The following C12orf42 variants were observed in gnomAD, a reference collection of about 807,000 sequenced individuals.
C12orf42 encodes the protein uncharacterized protein C12orf42.
In C12orf42, 25 loss-of-function variants were observed where a neutral mutation model predicts 21.6. That is an observed-to-expected ratio of 1.16 (90% CI 0.84 to 1.62). C12orf42 has a LOEUF of 1.62. Ranked by LOEUF, C12orf42 falls within the 40% of genes most tolerant of loss-of-function variation. The probability of loss-of-function intolerance (pLI) is 0.00; values close to 1 mark genes in which losing one functional copy is unlikely to be tolerated. For missense variants in C12orf42, 483 were observed against 459.3 expected (o/e 1.05, Z -0.47); for synonymous variants, 174 against 175.0 (o/e 0.99, Z 0.05).
chr12:103,170,247 T>C, the C12orf42 span, among the ~76,000 whole-genome samples: 1 of 152,196 alleles, frequency 6.6e-6, no homozygotes, highest in Non-Finnish European at 1.5e-5. Context: ...GCCATGACAT[T>C]AAATAGCCTG....
chr12:103,484,215 T>C (rs1363371926), intron 1 of C12orf42, among the ~76,000 whole-genome samples: 4 of 152,246 alleles, frequency 2.6e-5, no homozygotes, highest in African/African-American at 7.2e-5. Context: ...TTTCTAGTTT[T>C]AGATCCTTGA....
the C12orf42 span, among the ~76,000 whole-genome samples, chr12:103,513,238 G>C: frequency 4.6e-5 from 7 of 152,038 alleles, no homozygotes; most frequent in Non-Finnish European, 8.8e-5. Flanking sequence ...AGGAACCCTA[G>C]GGAAAAAGAA....
chr12:103,282,020 A>T (rs2036172320), intron 4 of C12orf42, among the ~76,000 whole-genome samples: 1 of 152,220 alleles, frequency 6.6e-6, no homozygotes, highest in African/African-American at 2.4e-5. Context: ...GCCATGCCTC[A>T]ATTATCTCCG....
chr12:103,533,637 A>C, the C12orf42 span, among the ~76,000 whole-genome samples: 3 of 152,240 alleles, frequency 2.0e-5, no homozygotes, highest in African/African-American at 7.2e-5. Flanking sequence ...TTATGTTGAA[A>C]TATATGAAAT....
At chr12:103,419,602 G>A (rs773496043) in intron 2 of C12orf42, among the ~76,000 whole-genome samples, 4 of 152,156 alleles carry the variant, frequency 2.6e-5, no homozygotes, top group African/African-American at 9.7e-5. Context: ...TCCCTAAACA[G>A]AGTCCCCCAT....
At chr12:103,541,158 C>T in the C12orf42 span, among the ~76,000 whole-genome samples, 2 of 152,180 alleles carry the variant, frequency 1.3e-5, no homozygotes, top group Non-Finnish European at 2.9e-5. Context: ...CCAGCCTCGG[C>T]CTCCCAAAGT....
At chr12:103,104,725 G>A in the C12orf42 span, among the ~76,000 whole-genome samples, 17 of 152,290 alleles carry the variant, frequency 1.1e-4, no homozygotes, top group Middle Eastern at 3.4e-3. Context: ...GAGCCACCGC[G>A]CCTGGCCGGG....
chr12:103,344,733 A>T (rs1198153815), intron 4 of C12orf42, among the ~76,000 whole-genome samples: 1 of 152,186 alleles, frequency 6.6e-6, no homozygotes, highest in Non-Finnish European at 1.5e-5. Flanking sequence ...GCTGCCTATG[A>T]TCATCCATGT....
At chr12:103,443,211 T>C (rs1951367157) in intron 2 of C12orf42, among the ~76,000 whole-genome samples, 1 of 152,152 alleles carries the variant, frequency 6.6e-6, no homozygotes, top group Admixed American at 6.6e-5. Flanking sequence ...TTTCTACGAC[T>C]AACAAGTGCC....
At chr12:103,356,732 T>C (rs1210417710) in intron 4 of C12orf42, among the ~76,000 whole-genome samples, 1 of 151,982 alleles carries the variant, frequency 6.6e-6, no homozygotes, top group East Asian at 1.9e-4. Flanking sequence ...TGGTGTGAGA[T>C]GGTATCTCAT....
chr12:103,346,877 T>C (rs1165527820), intron 4 of C12orf42, among the ~76,000 whole-genome samples: 2 of 152,146 alleles, frequency 1.3e-5, no homozygotes, highest in South Asian at 2.1e-4. Context: ...TCCAACTACA[T>C]ACTATCAAAA....
intron 2 of C12orf42, among the ~76,000 whole-genome samples, chr12:103,470,848 G>T (rs544033051): frequency 6.6e-6 from 1 of 152,170 alleles, no homozygotes; most frequent in South Asian, 2.1e-4. Context: ...CCCAGCCCAG[G>T]TGCCAAACAT....
intron 4 of C12orf42, among the ~76,000 whole-genome samples, chr12:103,352,371 A>G (rs1221008954): frequency 6.6e-6 from 1 of 152,182 alleles, no homozygotes; most frequent in East Asian, 1.9e-4. Flanking sequence ...ACTCTATCAC[A>G]ATGGCACTAA....
chr12:103,079,442 G>C, the C12orf42 span, among the ~76,000 whole-genome samples: 1,172 of 152,340 alleles, frequency 7.7e-3, 19 homozygotes, highest in African/African-American at 0.027. Flanking sequence ...AATAATGTAA[G>C]AGAAGCTAAA....
chr12:103,073,617 T>C, the C12orf42 span, among the ~76,000 whole-genome samples: 1 of 152,166 alleles, frequency 6.6e-6, no homozygotes, highest in South Asian at 2.1e-4. Flanking sequence ...TCACGGTATA[T>C]GACCCCTTCA....
rs530533699 is a variant in C12orf42, at chr12:103,241,411, G to A, written c.*1367-3509C>T. 1.3e-4 allele frequency among the ~76,000 whole-genome samples: 20 copies of A among 152,224 alleles called. No homozygotes were observed. In the East Asian group the frequency reaches 2.9e-3, roughly 22 times the overall value. ...ACAACTGAACAGATCAAGTAACCACGTCCGGTGGCTGCACCTGCCATTTGG... is the reference window on the plus strand; with the variant it reads ...ACAACTGAACAGATCAAGTAACCACATCCGGTGGCTGCACCTGCCATTTGG... On this transcript the variant is annotated intron_variant and NMD_transcript_variant, in intron 10 of 10. Coordinates refer to the C12orf42 transcript ENST00000547347.
chr12:103,222,741 A>C, the C12orf42 span, among the ~76,000 whole-genome samples: 1 of 151,788 alleles, frequency 6.6e-6, no homozygotes. Context: ...ATTTTACTAC[A>C]TTTTTTCTAT....
chr12:103,067,938 G>A, the C12orf42 span, among the ~76,000 whole-genome samples: 2 of 152,168 alleles, frequency 1.3e-5, no homozygotes, highest in African/African-American at 4.8e-5. Context: ...GCGTCTCTTA[G>A]TATTGCCCTG....
chr12:103,269,356 C>T (rs576026073), intron 6 of C12orf42, among the ~76,000 whole-genome samples: 130 of 152,178 alleles, frequency 8.5e-4, no homozygotes, highest in South Asian at 1.5e-3. Flanking sequence ...GGGCTCAACT[C>T]GGAGGAAGCA....
Sources: gnomAD v4.1 joint callset for allele counts (sites outside exome capture counted in the v4.1 genomes callset) on GRCh38, gnomAD v4.1.1 for gene constraint, MANE v1.5 for transcripts, NCBI Gene and HGNC (gene_info 2026-07-23, HGNC 2026-07-21) for gene names.